ZNF664: variants seen among roughly 807,000 people sequenced by gnomAD.
ZNF664 encodes the protein zinc finger Organ of Corti 1.
Under a neutral mutation model 18.2 loss-of-function variants are expected in ZNF664, and 10 were observed. That is an observed-to-expected ratio of 0.55 (90% CI 0.34 to 0.93). ZNF664 has a LOEUF of 0.93. Among genes scored for constraint, ZNF664 ranks in the 40% least tolerant of loss-of-function variants. The probability of loss-of-function intolerance (pLI) is 0.02; values close to 1 mark genes in which losing one functional copy is unlikely to be tolerated. For synonymous variants in ZNF664, 119 were observed against 104.2 expected, an observed-to-expected ratio of 1.14 and a Z score of -0.86; for missense variants, 193 against 319.0, an observed-to-expected ratio of 0.61 and a Z score of 3.01.
chr12:123,981,453 G>GACA (rs1420786293), intron 2 of ZNF664, among the ~76,000 whole-genome samples: 8 of 152,150 alleles, frequency 5.3e-5, no homozygotes, highest in African/African-American at 1.9e-4. Flanking sequence ...AGAGATCTGA[G>GACA]ACAGCATGTT....
intron 3 of ZNF664, among the ~76,000 whole-genome samples, chr12:124,002,816 A>G (rs1252564527): frequency 4.6e-5 from 7 of 152,166 alleles, no homozygotes; most frequent in African/African-American, 1.7e-4. Context: ...AGAGATAAAA[A>G]TGGGAGCCAA....
At position 124,014,416 on chromosome 12, in the gene ZNF664, A is replaced by AT. The variant is rs1566212952; in HGVS notation, c.*1491dup. 2 of 166,986 alleles carry AT rather than the reference A, an allele frequency of 1.2e-5. No individual in the cohort carries two copies. Among genetic ancestry groups the AT allele is most frequent in the Non-Finnish European group, 1.5e-5 (1 of 68,108 alleles). 10.3% of individuals were successfully genotyped at this position (166,986 alleles called of 1,614,324 possible). A position where few individuals can be genotyped will look rare whatever the true frequency, so the allele number is the denominator to read the frequency against. On this transcript the variant is annotated 3_prime_UTR_variant, in exon 5 of 5. Coordinates refer to ENST00000337815, the MANE Select transcript of ZNF664 (RefSeq NM_152437.3). Reference sequence around the variant, plus strand: ...CAGAGGCCTTTTTTTGTTTGTTTTAATTTTTGCTAGATTGATATTAAAAAC... The same window carrying AT: ...CAGAGGCCTTTTTTTGTTTGTTTTAATTTTTTGCTAGATTGATATTAAAAAC...
intron 2 of ZNF664, among the ~76,000 whole-genome samples, chr12:123,984,118 G>A (rs1473502111): frequency 2.6e-5 from 4 of 152,206 alleles, no homozygotes; most frequent in African/African-American, 9.6e-5. Flanking sequence ...GAGAACCAGT[G>A]GGCGAGATGG....
At chr12:123,991,433 C>G (rs1037062436) in intron 3 of ZNF664, among the ~76,000 whole-genome samples, 1 of 152,090 alleles carries the variant, frequency 6.6e-6, no homozygotes, top group Non-Finnish European at 1.5e-5. Flanking sequence ...GAGGAAGAAC[C>G]CTAATTACAG....
At chr12:123,980,747 AAT>A (rs1450035280) in intron 2 of ZNF664, among the ~76,000 whole-genome samples, 1 of 152,228 alleles carries the variant, frequency 6.6e-6, no homozygotes, top group African/African-American at 2.4e-5. Context: ...GAATGGCAAA[AAT>A]ATGTAGAAGA....
At chr12:123,985,976 G>A (rs750529787) in intron 2 of ZNF664, among the ~76,000 whole-genome samples, 2 of 151,872 alleles carry the variant, frequency 1.3e-5, no homozygotes, top group Non-Finnish European at 2.9e-5. Flanking sequence ...ATCCAGTAAT[G>A]TTTTTTTTCA....
intron 2 of ZNF664, among the ~76,000 whole-genome samples, chr12:123,986,282 ATT>A (rs1956824091): frequency 1.3e-5 from 2 of 152,186 alleles, no homozygotes; most frequent in South Asian, 2.1e-4. Context: ...AAGGGGCTAT[ATT>A]GGAGGATGCA....
chr12:124,003,914 A>T (rs1288496013), intron 3 of ZNF664, among the ~76,000 whole-genome samples: 1 of 152,234 alleles, frequency 6.6e-6, no homozygotes, highest in Non-Finnish European at 1.5e-5. Context: ...ACCTGGCATT[A>T]TTCAGCCACT....
chr12:123,979,718 G>A (rs1956738867), intron 2 of ZNF664, among the ~76,000 whole-genome samples: 1 of 152,104 alleles, frequency 6.6e-6, no homozygotes, highest in Admixed American at 6.5e-5. Context: ...TTGCTCTGTT[G>A]CCTAGGCTGG....
chr12:123,992,598 A>C (rs550885435), intron 3 of ZNF664, among the ~76,000 whole-genome samples: 1 of 152,320 alleles, frequency 6.6e-6, no homozygotes, highest in Non-Finnish European at 1.5e-5. Context: ...GCTGGCTGCT[A>C]CTTGAGCCAC....
intron 3 of ZNF664, among the ~76,000 whole-genome samples, chr12:124,006,531 A>G (rs188916125): frequency 6.6e-6 from 1 of 152,294 alleles, no homozygotes; most frequent in Non-Finnish European, 1.5e-5. Context: ...GAATCTTAGC[A>G]TCAGTTCTTT....
intron 2 of ZNF664, among the ~76,000 whole-genome samples, chr12:123,982,365 G>A (rs1956775475): frequency 6.6e-6 from 1 of 152,210 alleles, no homozygotes; most frequent in Non-Finnish European, 1.5e-5. Context: ...GGCAGTCAGT[G>A]TGGCTGTGCT....
At chr12:123,997,072 T>TTCTATGA (rs1305168184) in intron 3 of ZNF664, among the ~76,000 whole-genome samples, 3 of 152,182 alleles carry the variant, frequency 2.0e-5, no homozygotes, top group Non-Finnish European at 4.4e-5. Context: ...AATAAAGATT[T>TTCTATGA]TCTATGAAAT....
intron 3 of ZNF664, among the ~76,000 whole-genome samples, chr12:124,002,018 G>A (rs1957018269): frequency 6.6e-6 from 1 of 152,204 alleles, no homozygotes; most frequent in African/African-American, 2.4e-5. Flanking sequence ...ATTCCAGGCA[G>A]TAAGTGGTAA....
chr12:123,982,828 G>A (rs1230606228), intron 2 of ZNF664, among the ~76,000 whole-genome samples: 2 of 152,160 alleles, frequency 1.3e-5, no homozygotes, highest in Non-Finnish European at 2.9e-5. Flanking sequence ...GTGAATCTTA[G>A]ATTTAGCAAA....
In ZNF664 at chr12:124,011,901, C is replaced by T. The variant is rs1463706901; in HGVS notation, c.-244C>T. On this transcript the variant is annotated 5_prime_UTR_variant, in exon 5 of 5. The change creates a new upstream start codon in the 5' untranslated region. Transcript: ENST00000337815. ...CTGTGTTAATGAGTTACAGAATTCA[C>T]GTGGAAGTCAATGTCACTTTATAAT... 9.3e-6 allele frequency: 12 copies of T among 1,296,322 alleles called. No homozygotes were observed. The highest frequency in any genetic ancestry group is 8.5e-5 in the South Asian group (4 of 46,896). 80.3% of individuals were successfully genotyped at this position (1,296,322 alleles called of 1,614,324 possible). A position where few individuals can be genotyped will look rare whatever the true frequency, so the allele number is the denominator to read the frequency against.
At chr12:123,996,127 GAAGA>G (rs1956945247) in intron 3 of ZNF664, among the ~76,000 whole-genome samples, 1 of 152,208 alleles carries the variant, frequency 6.6e-6, no homozygotes, top group African/African-American at 2.4e-5. Context: ...CAGGTACATT[GAAGA>G]AAGAAAGTAT....
chr12:123,974,812 A>G (rs1243445151), intron 2 of ZNF664, among the ~76,000 whole-genome samples: 2 of 152,226 alleles, frequency 1.3e-5, no homozygotes, highest in East Asian at 1.9e-4. Flanking sequence ...ACCATGTTCC[A>G]TAGTTTCAGT....
intron 3 of ZNF664, among the ~76,000 whole-genome samples, chr12:123,994,338 T>C (rs1452897088): frequency 6.6e-6 from 1 of 152,224 alleles, no homozygotes; most frequent in Non-Finnish European, 1.5e-5. Flanking sequence ...CTTTGGTACT[T>C]ATTGTAATAG....
Sources: allele counts gnomAD v4.1 joint callset (sites outside exome capture counted in the v4.1 genomes callset), GRCh38; gene constraint gnomAD v4.1.1; transcripts MANE v1.5; gene names NCBI Gene and HGNC (gene_info 2026-07-23, HGNC 2026-07-21).